The following SCAPER variants were observed in gnomAD, a reference collection of about 807,000 sequenced individuals.
The protein encoded by SCAPER is S phase cyclin A-associated protein in the endoplasmic reticulum.
SCAPER carries 98 observed loss-of-function variants against 182.2 expected under a neutral mutation model. The ratio of observed to expected loss-of-function variants is 0.54; its 90% CI spans 0.46 to 0.64. The LOEUF is 0.64. SCAPER is among the 30% of genes least tolerant of loss of function. The pLI, the probability that SCAPER is intolerant of heterozygous loss-of-function variation, is 0.00. For missense variants in SCAPER, 1,432 were observed against 1,690.0 expected, an observed-to-expected ratio of 0.85 and a Z score of 2.68; for synonymous variants, 605 against 564.6, an observed-to-expected ratio of 1.07 and a Z score of -1.01.
chr15:76,873,327 AAGGAAGGCAGGCAGGCAGGCAGGC>A lies in SCAPER; in HGVS notation c.6+10461_6+10484del, dbSNP rs1440739265. On this transcript the variant is annotated intron_variant, in intron 2 of 31. Coordinates refer to ENST00000563290, the MANE Select transcript of SCAPER (RefSeq NM_020843.4). ...GAAGGAAGGAAGGAAGGAAGGAAGG[AAGGAAGGCAGGCAGGCAGGCAGGC>A]AGGCAGGCAGGCAGGCAGGCAGGCA... is the stretch of plus-strand genomic sequence containing the variant. Among the ~76,000 whole-genome samples, 742 of 102,832 alleles carry A rather than the reference AAGGAAGGCAGGCAGGCAGGCAGGC, an allele frequency of 7.2e-3. 1 individual carries two copies. Among genetic ancestry groups the A allele is most frequent in the African/African-American group, 0.016 (402 of 24,812 alleles). 67.5% of individuals were successfully genotyped at this position (102,832 alleles called of 152,430 possible). A position where few individuals can be genotyped will look rare whatever the true frequency, so the allele number is the denominator to read the frequency against.
At chr15:76,738,490 A>G (rs977858644) in intron 15 of SCAPER, among the ~76,000 whole-genome samples, 5 of 151,450 alleles carry the variant, frequency 3.3e-5, no homozygotes, top group African/African-American at 1.2e-4. Context: ...GTGAGCCGAC[A>G]TCACGCCACT....
intron 24 of SCAPER, among the ~76,000 whole-genome samples, chr15:76,473,896 G>C (rs1347196705): frequency 6.6e-6 from 1 of 152,026 alleles, no homozygotes; most frequent in Non-Finnish European, 1.5e-5. Flanking sequence ...TCTGACTCCT[G>C]GGTTCAAGCT....
At chr15:76,497,512 C>G (rs944831941) in intron 24 of SCAPER, among the ~76,000 whole-genome samples, 80 of 151,764 alleles carry the variant, frequency 5.3e-4, no homozygotes, top group Middle Eastern at 3.4e-3. Context: ...AAGGACACAA[C>G]AAATAGGAAG....
chr15:76,718,873 G>C (rs757784229), intron 17 of SCAPER, among the ~76,000 whole-genome samples: 51 of 152,198 alleles, frequency 3.4e-4, no homozygotes, highest in African/African-American at 1.2e-3. Context: ...ACACCCATTA[G>C]ATGACTATTA....
At chr15:76,361,627 T>A (rs186698321) in intron 29 of SCAPER, among the ~76,000 whole-genome samples, 1 of 152,350 alleles carries the variant, frequency 6.6e-6, no homozygotes. Flanking sequence ...CTGACATTAG[T>A]AAGTGAAGGC....
intron 26 of SCAPER, among the ~76,000 whole-genome samples, chr15:76,411,399 C>T (rs1420610866): frequency 6.6e-6 from 1 of 152,012 alleles, no homozygotes; most frequent in Non-Finnish European, 1.5e-5. Context: ...GTTCAACTGG[C>T]AAGTATAATG....
intron 14 of SCAPER, among the ~76,000 whole-genome samples, chr15:76,754,617 G>A (rs763573724): frequency 6.6e-6 from 1 of 152,070 alleles, no homozygotes; most frequent in Non-Finnish European, 1.5e-5. Flanking sequence ...CTGTGCTCCA[G>A]GAAATAAGAT....
At chr15:76,484,107 A>T (rs560776044) in intron 24 of SCAPER, among the ~76,000 whole-genome samples, 14 of 152,354 alleles carry the variant, frequency 9.2e-5, no homozygotes, top group Admixed American at 5.2e-4. Flanking sequence ...TTCAGTAGGT[A>T]AATACATAAA....
At position 76,774,954 on chromosome 15, in the gene SCAPER, C is replaced by G; in HGVS notation, c.936G>C (p.Gln312His). Residue 312 changes from glutamine to histidine, a missense_variant, in exon 9 of 32, where the codon CAG (glutamine) becomes CAC (histidine). Coordinates refer to ENST00000563290, the MANE Select transcript of SCAPER (RefSeq NM_020843.4). ...TTCCATCTCCAACAAATTGACCTTT[C>G]TGTATGCTTTCATCAGGTAAAAGAC... Reference protein sequence around the residue: ...NVCLLPDESIQKGQFVGDGTS... With the variant: ...NVCLLPDESIHKGQFVGDGTS... The G allele has an allele frequency of 6.2e-7, 1 of 1,613,788 alleles. No homozygotes were observed. The highest frequency in any genetic ancestry group is 8.5e-7 in the Non-Finnish European group (1 of 1,179,760).
intron 23 of SCAPER, among the ~76,000 whole-genome samples, chr15:76,544,749 T>C (rs749590102): frequency 1.3e-5 from 2 of 152,146 alleles, no homozygotes; most frequent in South Asian, 2.1e-4. Context: ...GTGCTGATGG[T>C]TGCACAACTC....
At chr15:76,384,408 C>T (rs944303025) in intron 27 of SCAPER, among the ~76,000 whole-genome samples, 1 of 152,100 alleles carries the variant, frequency 6.6e-6, no homozygotes, top group Non-Finnish European at 1.5e-5. Flanking sequence ...TATTAAGTGA[C>T]AAGAATTCAC....
At chr15:76,489,525 A>G (rs564308561) in intron 24 of SCAPER, among the ~76,000 whole-genome samples, 1 of 151,924 alleles carries the variant, frequency 6.6e-6, no homozygotes, top group African/African-American at 2.4e-5. Context: ...GAATTGTGCC[A>G]CATGTAGCTG....
intron 30 of SCAPER, among the ~76,000 whole-genome samples, chr15:76,352,444 AAG>A (rs1376592760): frequency 6.6e-6 from 1 of 151,958 alleles, no homozygotes; most frequent in African/African-American, 2.4e-5. Flanking sequence ...TGAATTTAGA[AAG>A]AGCACACTCT....
intron 17 of SCAPER, among the ~76,000 whole-genome samples, chr15:76,712,080 T>C (rs1325575488): frequency 6.6e-6 from 1 of 152,248 alleles, no homozygotes; most frequent in Admixed American, 6.5e-5. Context: ...GGTCTGATAT[T>C]TAAGTCCTTA....
chr15:76,575,940 C>T (rs187853074), intron 22 of SCAPER, among the ~76,000 whole-genome samples: 33 of 152,332 alleles, frequency 2.2e-4, no homozygotes, highest in East Asian at 1.9e-4. Flanking sequence ...ACTTCATGAG[C>T]GAGGTGCTCG....
rs185827368 is a variant in SCAPER at position 76,404,556 on chromosome 15, T to G, written c.3435A>C (p.Ala1145=). The change falls in exon 27 of 32, where the codon GCA becomes GCC. Residue 1145 remains alanine, a synonymous_variant. Transcript: ENST00000563290. ...FLQHAAGLLH[A]MCTLCFAVTG... ...TGACAGCAAAGCACAGTGTACACAT[T>G]GCATGTAAGAGTCCTGCGGCATGCT... 1.9e-6 allele frequency: 3 copies of G among 1,613,294 alleles called. No homozygotes were observed. The highest frequency in any genetic ancestry group is 1.7e-5 in the Admixed American group (1 of 60,004).
chr15:76,507,400 C>A (rs1435857465), intron 23 of SCAPER, among the ~76,000 whole-genome samples: 2 of 152,164 alleles, frequency 1.3e-5, no homozygotes, highest in African/African-American at 2.4e-5. Context: ...CCAACCCAGT[C>A]TGTGGCACTT....
chr15:76,435,893 T>C (rs2047168643), intron 25 of SCAPER, among the ~76,000 whole-genome samples: 1 of 152,204 alleles, frequency 6.6e-6, no homozygotes, highest in Non-Finnish European at 1.5e-5. Flanking sequence ...TCCAGAAACT[T>C]AGAATCTTCT....
intron 2 of SCAPER, among the ~76,000 whole-genome samples, chr15:76,871,023 T>C (rs987274019): frequency 1.3e-5 from 2 of 152,168 alleles, no homozygotes; most frequent in African/African-American, 4.8e-5. Flanking sequence ...AGTGACATTC[T>C]ATAAGAAATA....
Sources: allele counts gnomAD v4.1 joint callset (sites outside exome capture counted in the v4.1 genomes callset), GRCh38; gene constraint gnomAD v4.1.1; transcripts MANE v1.5; gene names NCBI Gene and HGNC (gene_info 2026-07-23, HGNC 2026-07-21).